Variants in SHROOM4 observed in about 807,000 individuals in gnomAD.
SHROOM4 encodes shroom family member 4.
Under a neutral mutation model 80.3 loss-of-function variants are expected in SHROOM4, and 17 were observed. The ratio of observed to expected loss-of-function variants is 0.21; its 90% CI spans 0.14 to 0.32. SHROOM4 has a LOEUF of 0.32. Ranked by LOEUF, SHROOM4 falls within the 10% of genes least tolerant of loss-of-function variation. The pLI is 1.00. For synonymous variants in SHROOM4, 400 were observed against 437.5 expected (o/e 0.91, Z 1.07); for missense variants, 993 against 1,140.3 (o/e 0.87, Z 1.86).
chrX:50,613,844 G>T (rs1224731583), intron 5 of SHROOM4, among the ~76,000 whole-genome samples: 1 of 111,583 alleles, frequency 9.0e-6, no homozygotes, highest in African/African-American at 3.3e-5. Flanking sequence ...TATTATGAAC[G>T]GTATGGAAAA....
Position 50,593,811 on chromosome X carries a change from C to A in SHROOM4, c.*2884G>T, listed in dbSNP as rs1928981106. On this transcript the variant is annotated 3_prime_UTR_variant, in exon 9 of 9. Transcript: ENST00000376020. ...TGAAGGAGGCTTTTTATCTTTTCACCTCTCCTTTTCTTTGCTTCCAATTTC... is the reference window on the plus strand; with the variant it reads ...TGAAGGAGGCTTTTTATCTTTTCACATCTCCTTTTCTTTGCTTCCAATTTC... The A allele has an allele frequency of 8.9e-6, 1 of 112,213 alleles. No individual in the cohort carries two copies. Among genetic ancestry groups the A allele is most frequent in the Non-Finnish European group, 1.9e-5 (1 of 53,292 alleles). The allele number at this position is 112,213 out of a possible 1,213,427, so 9.2% of individuals were successfully genotyped here.
chrX:50,712,858 C>G (rs782474699), intron 1 of SHROOM4, among the ~76,000 whole-genome samples: 1 of 111,521 alleles, frequency 9.0e-6, no homozygotes, highest in East Asian at 2.8e-4. Context: ...CACTCTTCCC[C>G]TTGATGCGTA....
At chrX:50,598,202 G>C in intron 8 of SHROOM4, 64 bp downstream of exon 8, 1 of 1,188,861 alleles carries the variant, frequency 8.4e-7, no homozygotes, top group South Asian at 1.8e-5. Flanking sequence ...ACTTGAAAGA[G>C]GGAGCCCTGA....
chrX:50,683,235 A>G (rs182658329), intron 2 of SHROOM4, among the ~76,000 whole-genome samples: 14 of 111,667 alleles, frequency 1.3e-4, no homozygotes, highest in Non-Finnish European at 3.8e-5. Flanking sequence ...TGACGAATAC[A>G]TTGGAGAAAT....
chrX:50,594,186 G>A lies in SHROOM4; in HGVS notation c.*2509C>T, dbSNP rs1278576443. 1 of 112,239 alleles carries A rather than the reference G, an allele frequency of 8.9e-6. No individual in the cohort carries two copies. Among genetic ancestry groups the A allele is most frequent in the Non-Finnish European group, 1.9e-5 (1 of 53,261 alleles). 9.2% of individuals were successfully genotyped at this position (112,239 alleles called of 1,213,427 possible). A position where few individuals can be genotyped will look rare whatever the true frequency, so the allele number is the denominator to read the frequency against. On this transcript the variant is annotated 3_prime_UTR_variant, in exon 9 of 9. Coordinates refer to ENST00000376020, the MANE Select transcript of SHROOM4 (RefSeq NM_020717.5). ...TGGAGGAGGGCTGAGCCCAGGAACTGAGAACAGGGGAGAGAGACTGCATCT... is the reference window on the plus strand; with the variant it reads ...TGGAGGAGGGCTGAGCCCAGGAACTAAGAACAGGGGAGAGAGACTGCATCT...
chrX:50,783,427 T>C (rs1935669626), intron 1 of SHROOM4, among the ~76,000 whole-genome samples: 1 of 111,951 alleles, frequency 8.9e-6, no homozygotes, highest in Non-Finnish European at 1.9e-5. Context: ...AAATAAGATT[T>C]AAATAAATGG....
intron 4 of SHROOM4, among the ~76,000 whole-genome samples, chrX:50,629,556 C>T (rs1191386090): frequency 1.8e-5 from 2 of 112,033 alleles, no homozygotes; most frequent in Admixed American, 1.9e-4. Flanking sequence ...CCAGTAGACA[C>T]TGAGATGCTA....
rs782813455 is a variant in SHROOM4, at chrX:50,783,081, C to T, written c.117+30821G>A. 2.3e-3 allele frequency among the ~76,000 whole-genome samples: 254 copies of T among 111,779 alleles called. 1 individual carries two copies. The highest frequency in any genetic ancestry group is 6.6e-3 in the African/African-American group (205 of 30,839). The stretch of plus-strand genomic sequence containing the variant: ...GAGAAGTTATATAACATCCAAGTCA[C>T]GTACAGCTGGTTAAAATGAGGTTTG... On this transcript the variant is annotated intron_variant, in intron 1 of 8. Transcript: ENST00000376020.
intron 1 of SHROOM4, among the ~76,000 whole-genome samples, chrX:50,727,465 T>C (rs138105300): frequency 0.02 from 2,260 of 111,949 alleles, 24 homozygotes; most frequent in Middle Eastern, 0.06. Context: ...AAATCTCATC[T>C]TGAATTGTAA....
At position 50,687,859 on chromosome X, in the gene SHROOM4, T is replaced by TGG. The variant is rs1557262377; in HGVS notation, c.269+7926_269+7927insCC. On this transcript the variant is annotated intron_variant, in intron 2 of 8. Coordinates refer to ENST00000376020, the MANE Select transcript of SHROOM4 (RefSeq NM_020717.5). The stretch of plus-strand genomic sequence containing the variant: ...TAAGTGACCACGAGAAATATAACTA[T>TGG]CAAGAAAACCAGTTACTCATAGTTC... 2.0e-4 allele frequency among the ~76,000 whole-genome samples: 22 copies of TGG among 109,376 alleles called. 1 individual carries two copies. Among genetic ancestry groups the TGG allele is most frequent in the Non-Finnish European group, 3.2e-4 (17 of 52,598 alleles). The allele number at this position is 109,376 out of a possible 115,157, so 95.0% of individuals were successfully genotyped here.
intron 2 of SHROOM4, among the ~76,000 whole-genome samples, chrX:50,651,498 G>A (rs1366430972): frequency 7.2e-5 from 8 of 111,719 alleles, no homozygotes; most frequent in African/African-American, 9.8e-5. Context: ...AGCATCACCT[G>A]AGAACTTGTA....
intron 5 of SHROOM4, among the ~76,000 whole-genome samples, chrX:50,616,392 G>C (rs974052797): frequency 9.0e-6 from 1 of 111,036 alleles, no homozygotes; most frequent in Non-Finnish European, 1.9e-5. Context: ...GTCTAGGGTA[G>C]TTGTGTTCAC....
chrX:50,733,587 CTG>C (rs781879549), intron 1 of SHROOM4, among the ~76,000 whole-genome samples: 11 of 111,927 alleles, frequency 9.8e-5, no homozygotes, highest in African/African-American at 3.6e-4. Flanking sequence ...GCCTCAAAAA[CTG>C]TGAGCCAATA....
At chrX:50,673,372 T>C (rs1420537317) in intron 2 of SHROOM4, among the ~76,000 whole-genome samples, 3 of 111,299 alleles carry the variant, frequency 2.7e-5, no homozygotes, top group Non-Finnish European at 5.7e-5. Flanking sequence ...ATCTAATACC[T>C]ATAGCAACCA....
rs143610448 is a variant in SHROOM4 at position 50,695,801 on chromosome X, T to C, written c.254A>G (p.Lys85Arg). 1 of 1,210,217 alleles carries C rather than the reference T, an allele frequency of 8.3e-7. No homozygotes were observed. The highest frequency in any genetic ancestry group is 1.7e-5 in the African/African-American group (1 of 57,211). ...ILIKGSFRIL[K>R]LIVRRRNAPV... ...TGTACCTTACCTCCTGACAATCAGC[T>C]TGAGAATCCGGAAGGAGCCTTTGAT... Residue 85 changes from lysine to arginine, a missense_variant, in exon 2 of 9, where the codon AAG (lysine) becomes AGG (arginine). By Grantham distance (26) the Lys-to-Arg change is conservative. Coordinates refer to ENST00000376020, the MANE Select transcript of SHROOM4 (RefSeq NM_020717.5).
intron 1 of SHROOM4, among the ~76,000 whole-genome samples, chrX:50,763,925 A>C (rs1935215366): frequency 9.0e-6 from 1 of 111,490 alleles, no homozygotes; most frequent in South Asian, 3.8e-4. Flanking sequence ...TCTCCCCTTG[A>C]TTCTGTCTGT....
rs949903441 is a variant in SHROOM4, at chrX:50,587,045, C to G, written c.*9650G>C. Among the ~76,000 whole-genome samples the G allele has an allele frequency of 1.6e-4, 18 of 111,904 alleles. No individual in the cohort carries two copies. Among genetic ancestry groups the G allele is most frequent in the African/African-American group, 5.8e-4 (18 of 30,797 alleles). On this transcript the variant is annotated 3_prime_UTR_variant, in exon 9 of 9. Coordinates refer to ENST00000376020, the MANE Select transcript of SHROOM4 (RefSeq NM_020717.5). ...ATTTATACATCTTATGTAGCTGCAA[C>G]TTTGTAGCTTTGACCAACATCCTCA...
chrX:50,577,762 T>A, the SHROOM4 span, among the ~76,000 whole-genome samples: 1 of 111,451 alleles, frequency 9.0e-6, no homozygotes, highest in South Asian at 3.8e-4. Flanking sequence ...TCAGAGTATA[T>A]CAGGGCAGCA....
chrX:50,663,061 A>G (rs1179963941), intron 2 of SHROOM4, among the ~76,000 whole-genome samples: 1 of 111,262 alleles, frequency 9.0e-6, no homozygotes, highest in Non-Finnish European at 1.9e-5. Flanking sequence ...TTTATGTAGA[A>G]TTTAGATTAA....
Sources: allele counts gnomAD v4.1 joint callset (sites outside exome capture counted in the v4.1 genomes callset), GRCh38; gene constraint gnomAD v4.1.1; transcripts MANE v1.5; gene names NCBI Gene and HGNC (gene_info 2026-07-23, HGNC 2026-07-21).